Variants in SLC2A13 observed in about 807,000 individuals in gnomAD.
The protein encoded by SLC2A13 is proton myo-inositol cotransporter.
A neutral mutation model predicts 64.4 loss-of-function variants in SLC2A13; 32 were observed. The ratio of observed to expected loss-of-function variants is 0.50; its 90% CI spans 0.37 to 0.67. The LOEUF is 0.67. SLC2A13 is among the 30% of genes least tolerant of loss of function. SLC2A13 has a pLI of 0.00. For synonymous variants in SLC2A13, 338 were observed against 327.1 expected (o/e 1.03, Z -0.36); for missense variants, 743 against 829.2 (o/e 0.90, Z 1.28).
intron 1 of SLC2A13, among the ~76,000 whole-genome samples, chr12:40,058,056 GA>G (rs1222312921): frequency 1.5e-4 from 23 of 148,712 alleles, no homozygotes; most frequent in Non-Finnish European, 3.3e-4. Flanking sequence ...TAGATAGATA[GA>G]TAGATAGATA....
At chr12:40,088,414 G>A (rs1363062965) in intron 1 of SLC2A13, among the ~76,000 whole-genome samples, 1 of 152,134 alleles carries the variant, frequency 6.6e-6, no homozygotes, top group African/African-American at 2.4e-5. Flanking sequence ...CTCTTTGTGG[G>A]GAGAACTGTC....
intron 2 of SLC2A13, among the ~76,000 whole-genome samples, chr12:40,034,090 G>A (rs1159342453): frequency 6.6e-6 from 1 of 152,154 alleles, no homozygotes; most frequent in Non-Finnish European, 1.5e-5. Flanking sequence ...TTTAAGTCAA[G>A]CTGTAATGGA....
intron 1 of SLC2A13, among the ~76,000 whole-genome samples, chr12:40,096,959 TAGAA>T (rs1938965163): frequency 3.9e-5 from 6 of 152,114 alleles, no homozygotes; most frequent in Admixed American, 3.9e-4. Flanking sequence ...TATCATATAA[TAGAA>T]AGGTGGGGTG....
chr12:39,769,872 T>C lies in SLC2A13; in HGVS notation c.1446-5014A>G, dbSNP rs77920052. The stretch of plus-strand genomic sequence containing the variant: ...AGCCCAACTCTCCCACCCTCCCAGA[T>C]GCTGGCTAACTTTTATGTGGTCTTT... On this transcript the variant is annotated intron_variant, in intron 7 of 9. Transcript: ENST00000280871. Among the ~76,000 whole-genome samples the C allele has an allele frequency of 5.8e-3, 880 of 152,182 alleles. 8 individuals carry two copies. The highest frequency in any genetic ancestry group is 0.02 in the African/African-American group (839 of 41,546).
At chr12:39,917,737 G>C (rs772178182) in intron 4 of SLC2A13, among the ~76,000 whole-genome samples, 9 of 151,986 alleles carry the variant, frequency 5.9e-5, no homozygotes, top group Non-Finnish European at 1.2e-4. Context: ...CCTGCTTTCA[G>C]ATGGCAGACA....
At chr12:39,827,222 T>C (rs972535165) in intron 7 of SLC2A13, among the ~76,000 whole-genome samples, 2 of 152,052 alleles carry the variant, frequency 1.3e-5, no homozygotes, top group African/African-American at 2.4e-5. Context: ...CAACTCATGG[T>C]TCCCACTTCA....
At chr12:39,955,966 A>G (rs1388752130) in intron 3 of SLC2A13, among the ~76,000 whole-genome samples, 1 of 152,206 alleles carries the variant, frequency 6.6e-6, no homozygotes, top group Non-Finnish European at 1.5e-5. Flanking sequence ...ATTTGTAGTA[A>G]TCTATTATAG....
chr12:39,945,914 G>GT (rs927799119), intron 4 of SLC2A13, among the ~76,000 whole-genome samples: 7 of 151,872 alleles, frequency 4.6e-5, no homozygotes, highest in Admixed American at 1.3e-4. Context: ...TTTTTTGTGG[G>GT]GGGGTGTTGA....
At chr12:39,821,429 T>G (rs1438347543) in intron 7 of SLC2A13, among the ~76,000 whole-genome samples, 3 of 152,054 alleles carry the variant, frequency 2.0e-5, no homozygotes, top group Non-Finnish European at 2.9e-5. Context: ...AAATTTTTTT[T>G]TGTGCCCTTC....
Position 39,895,651 on chromosome 12 carries a change from T to TAA in SLC2A13, c.1035-23691_1035-23690insTT, listed in dbSNP as rs1944759359. 1.2e-4 allele frequency among the ~76,000 whole-genome samples: 10 copies of TAA among 81,694 alleles called. 4 individuals carry two copies. The highest frequency in any genetic ancestry group is 3.6e-4 in the African/African-American group (8 of 22,522). 53.6% of individuals were successfully genotyped at this position (81,694 alleles called of 152,430 possible). On this transcript the variant is annotated intron_variant, in intron 4 of 9. Coordinates refer to ENST00000280871, the MANE Select transcript of SLC2A13 (RefSeq NM_052885.4). ...ACACATATGTATATGCGTGTATACG[T>TAA]ACACACATATGTATATGCGTGTATA... is the stretch of plus-strand genomic sequence containing the variant.
At chr12:39,891,671 AT>A (rs2135981300) in intron 4 of SLC2A13, among the ~76,000 whole-genome samples, 1 of 152,198 alleles carries the variant, frequency 6.6e-6, no homozygotes, top group East Asian at 1.9e-4. Context: ...TACTATTGCA[AT>A]TTTACATATT....
At chr12:39,807,358 T>C (rs1374824136) in intron 7 of SLC2A13, among the ~76,000 whole-genome samples, 2 of 152,144 alleles carry the variant, frequency 1.3e-5, no homozygotes, top group African/African-American at 4.8e-5. Context: ...AAACGGAAAG[T>C]CTGAACACAA....
chr12:39,783,124 G>T (rs1941057142), intron 7 of SLC2A13, among the ~76,000 whole-genome samples: 1 of 152,062 alleles, frequency 6.6e-6, no homozygotes, highest in South Asian at 2.1e-4. Context: ...TGCGGTGTTT[G>T]GTTTTATGTC....
intron 4 of SLC2A13, among the ~76,000 whole-genome samples, chr12:39,898,222 T>C (rs562166877): frequency 7.7e-4 from 118 of 152,294 alleles, no homozygotes; most frequent in Middle Eastern, 6.8e-3. Flanking sequence ...TTTAAGACTA[T>C]AGATACCTAT....
chr12:40,032,262 G>A (rs147859330), intron 2 of SLC2A13, among the ~76,000 whole-genome samples: 56 of 152,236 alleles, frequency 3.7e-4, no homozygotes, highest in African/African-American at 1.2e-3. Context: ...CACACCTTAC[G>A]GCAAAAGCCA....
At chr12:40,090,399 G>A (rs1938727232) in intron 1 of SLC2A13, among the ~76,000 whole-genome samples, 1 of 152,040 alleles carries the variant, frequency 6.6e-6, no homozygotes, top group Non-Finnish European at 1.5e-5. Context: ...CTTCATGACT[G>A]CTTAAAAATA....
intron 5 of SLC2A13, among the ~76,000 whole-genome samples, chr12:39,869,975 A>G (rs1944000790): frequency 6.6e-6 from 1 of 152,204 alleles, no homozygotes; most frequent in African/African-American, 2.4e-5. Flanking sequence ...CCCATTCACA[A>G]ATGAGAAAAT....
chr12:39,907,129 T>C (rs1239739120), intron 4 of SLC2A13, among the ~76,000 whole-genome samples: 1 of 152,170 alleles, frequency 6.6e-6, no homozygotes, highest in African/African-American at 2.4e-5. Context: ...TACTACATTT[T>C]AGTAATCCTT....
chr12:39,811,708 T>G (rs1361471918), intron 7 of SLC2A13, among the ~76,000 whole-genome samples: 2 of 152,306 alleles, frequency 1.3e-5, no homozygotes, highest in East Asian at 3.9e-4. Flanking sequence ...GGCCACTTTA[T>G]TATAAGCCAT....
Sources: gnomAD v4.1 joint callset for allele counts (sites outside exome capture counted in the v4.1 genomes callset) on GRCh38, gnomAD v4.1.1 for gene constraint, MANE v1.5 for transcripts, NCBI Gene and HGNC (gene_info 2026-07-23, HGNC 2026-07-21) for gene names.